Variants in DOP1A observed in about 807,000 individuals in gnomAD.
DOP1A encodes protein DOP1A.
DOP1A carries 90 observed loss-of-function variants against 267.6 expected under a neutral mutation model. The ratio of observed to expected loss-of-function variants is 0.34; its 90% CI spans 0.28 to 0.40. The LOEUF (loss-of-function observed/expected upper bound fraction) is 0.40, where lower values mean the gene tolerates loss of function less well. Ranked by LOEUF, DOP1A falls within the 10% of genes least tolerant of loss-of-function variation. DOP1A has a pLI of 1.00. For missense variants in DOP1A, 2,437 were observed against 2,900.4 expected, an observed-to-expected ratio of 0.84 and a Z score of 3.67; for synonymous variants, 932 against 999.1, an observed-to-expected ratio of 0.93 and a Z score of 1.27.
intron 11 of DOP1A, 61 bp downstream of exon 11, chr6:83,122,111 C>T: frequency 6.4e-7 from 1 of 1,565,258 alleles, no homozygotes; most frequent in Non-Finnish European, 8.7e-7. Flanking sequence ...TTAATATAAA[C>T]TTGAAGTGTA....
In DOP1A at chr6:83,152,359, C is replaced by A; in HGVS notation, c.6121C>A (p.Leu2041Ile). ...ATATAGTGTCCATGCATTGACATTACTCTCTGAGGTAAATATTAAGCTTTT... is the reference window on the plus strand; with the variant it reads ...ATATAGTGTCCATGCATTGACATTAATCTCTGAGGTAAATATTAAGCTTTT... ...SVYSVHALTL[L>I]SEVLAHLLDM... Residue 2041 changes from leucine to isoleucine, a missense_variant, in exon 30 of 39, where the codon CTC becomes ATC. This residue lies in a region of DOP1A where 216 missense variants were observed against 283.3 expected (regional missense o/e 0.76). Transcript: ENST00000349129. 1.3e-6 allele frequency: 2 copies of A among 1,513,320 alleles called. No individual in the cohort carries two copies. The highest frequency in any genetic ancestry group is 1.4e-5 in the South Asian group (1 of 73,766). The allele number at this position is 1,513,320 out of a possible 1,614,324, so 93.7% of individuals were successfully genotyped here.
At position 83,133,326 on chromosome 6, in the gene DOP1A, A is replaced by T. The variant is rs147828673; in HGVS notation, c.2770-861A>T. 3.8e-3 allele frequency among the ~76,000 whole-genome samples: 575 copies of T among 152,264 alleles called. 5 individuals are homozygous for T. Among genetic ancestry groups the T allele is most frequent in the African/African-American group, 0.013 (541 of 41,584 alleles). On this transcript the variant is annotated intron_variant, in intron 18 of 38. Transcript: ENST00000349129. ...AAGTTCTAAATAAAGATACACATCCATGAAAAAAAATTAAAATATCTTTTA... is the reference window on the plus strand; with the variant it reads ...AAGTTCTAAATAAAGATACACATCCTTGAAAAAAAATTAAAATATCTTTTA...
intron 6 of DOP1A, among the ~76,000 whole-genome samples, chr6:83,111,866 A>G (rs1293919137): frequency 6.6e-6 from 1 of 152,054 alleles, no homozygotes; most frequent in Admixed American, 6.5e-5. Context: ...AAAAAGTTTT[A>G]ATTTTGATCA....
intron 36 of DOP1A, among the ~76,000 whole-genome samples, chr6:83,159,498 C>G (rs887348838): frequency 6.6e-6 from 1 of 151,928 alleles, no homozygotes; most frequent in Non-Finnish European, 1.5e-5. Context: ...ATCATGTTGC[C>G]CAGGCTGGTC....
At chr6:83,086,439 T>A (rs116299061) in intron 1 of DOP1A, among the ~76,000 whole-genome samples, 1 of 152,184 alleles carries the variant, frequency 6.6e-6, no homozygotes, top group Non-Finnish European at 1.5e-5. Context: ...GAGGTTGGTC[T>A]TGCTGTCTTG....
chr6:83,084,542 G>A (rs1403153461), intron 1 of DOP1A, among the ~76,000 whole-genome samples: 2 of 151,998 alleles, frequency 1.3e-5, no homozygotes, highest in Non-Finnish European at 2.9e-5. Context: ...ATTTGACTTC[G>A]ACGTCTGGGA....
chr6:83,148,625 T>G, intron 26 of DOP1A, 134 bp from the exon 27 acceptor site: 1 of 550,726 alleles, frequency 1.8e-6, no homozygotes, highest in Non-Finnish European at 3.1e-6. Flanking sequence ...GGTTTACTAA[T>G]TAACGTTAGT....
At chr6:83,074,439 A>G (rs1053358080) in intron 1 of DOP1A, among the ~76,000 whole-genome samples, 5 of 152,318 alleles carry the variant, frequency 3.3e-5, no homozygotes, top group Middle Eastern at 6.8e-3. Context: ...TTTTAAAAGT[A>G]TAAGTATACA....
At chr6:83,081,164 CG>C (rs1768008772) in intron 1 of DOP1A, among the ~76,000 whole-genome samples, 1 of 152,112 alleles carries the variant, frequency 6.6e-6, no homozygotes, top group Non-Finnish European at 1.5e-5. Context: ...CTCTGTTGCC[CG>C]GGCTGGGGTG....
intron 21 of DOP1A, 54 bp downstream of exon 21, chr6:83,139,216 G>A (rs138536973): frequency 2.4e-5 from 32 of 1,346,962 alleles, no homozygotes; most frequent in African/African-American, 1.7e-4. Flanking sequence ...ATATATGACT[G>A]CTTAATGTCT....
intron 20 of DOP1A, among the ~76,000 whole-genome samples, chr6:83,136,305 T>A (rs947241318): frequency 1.1e-4 from 16 of 152,180 alleles, no homozygotes; most frequent in Non-Finnish European, 2.4e-4. Context: ...AAGGTTTTAT[T>A]ATGACCATCA....
At position 83,086,058 on chromosome 6, in the gene DOP1A, G is replaced by C. The variant is rs551489000; in HGVS notation, c.-146-10673G>C. The stretch of plus-strand genomic sequence containing the variant: ...ACATCAGTTAACAGATGCTATTGGA[G>C]CTATAGGACTATAGGAGATAACCTA... On this transcript the variant is annotated intron_variant, in intron 1 of 38. Coordinates refer to ENST00000349129, the MANE Select transcript of DOP1A (RefSeq NM_015018.4). Among the ~76,000 whole-genome samples, 65 of 152,214 alleles carry C rather than the reference G, an allele frequency of 4.3e-4. 2 individuals carry two copies. In the Middle Eastern group the frequency reaches 0.017, roughly 40 times the overall value.
intron 7 of DOP1A, among the ~76,000 whole-genome samples, chr6:83,113,630 T>C (rs1774933119): frequency 6.6e-6 from 1 of 152,192 alleles, no homozygotes; most frequent in African/African-American, 2.4e-5. Flanking sequence ...AATATGGTCA[T>C]TGAAGTAGAT....
chr6:83,143,172 C>G (rs1449765487), intron 24 of DOP1A, among the ~76,000 whole-genome samples: 1 of 152,136 alleles, frequency 6.6e-6, no homozygotes, highest in African/African-American at 2.4e-5. Flanking sequence ...AATCCCAGCA[C>G]TTTGGGAGAC....
In DOP1A at chr6:83,137,421, G is replaced by A. The variant is rs763186415; in HGVS notation, c.3379G>A (p.Asp1127Asn). ...SAGDNLSYEV[D>N]PETVNAQEDS... ...TGGGGACAACTTGAGTTACGAAGTT[G>A]ATCCTGAAACCGTGAATGCCCAAGA... The change falls in exon 21 of 39, where the codon GAT becomes AAT. Residue 1127 changes from aspartate to asparagine, a missense_variant. Physicochemically the swap from Asp to Asn is conservative, Grantham distance 23. This residue lies in a region of DOP1A where 878 missense variants were observed against 992.9 expected (regional missense o/e 0.88). Coordinates refer to ENST00000349129, the MANE Select transcript of DOP1A (RefSeq NM_015018.4). 1.5e-5 allele frequency: 25 copies of A among 1,613,678 alleles called. No individual in the cohort carries two copies. The highest frequency in any genetic ancestry group is 1.9e-5 in the Non-Finnish European group (22 of 1,179,852).
At chr6:83,158,766 G>T in intron 36 of DOP1A, 144 bp downstream of exon 36, 1 of 663,690 alleles carries the variant, frequency 1.5e-6, no homozygotes, top group Non-Finnish European at 2.5e-6. Context: ...ATATAATGTA[G>T]TTTTACTTAT....
intron 10 of DOP1A, 131 bp from the exon 11 acceptor site, chr6:83,121,799 C>A: frequency 1.1e-6 from 1 of 906,378 alleles, no homozygotes; most frequent in Non-Finnish European, 1.6e-6. Context: ...GTGAATTTAG[C>A]TTAGCTTCTG....
chr6:83,141,483 A>G (rs1779647148), intron 23 of DOP1A, among the ~76,000 whole-genome samples: 1 of 152,206 alleles, frequency 6.6e-6, no homozygotes, highest in Non-Finnish European at 1.5e-5. Context: ...GGAAGTGGGA[A>G]AAGGGTAAGG....
chr6:83,161,077 C>T (rs896516370), intron 37 of DOP1A: 2 of 151,956 alleles, frequency 1.3e-5, no homozygotes, highest in East Asian at 1.9e-4. Context: ...TAAACAGAAT[C>T]GTAGGAATGT....
Sources: gnomAD v4.1 joint callset for allele counts (sites outside exome capture counted in the v4.1 genomes callset) on GRCh38, gnomAD v4.1.1 for gene constraint, gnomAD v4.1.1 regional missense constraint, MANE v1.5 for transcripts, NCBI Gene and HGNC (gene_info 2026-07-23, HGNC 2026-07-21) for gene names.